GSE1: variants seen among roughly 807,000 people sequenced by gnomAD.
GSE1 encodes the protein Gse1 coiled-coil protein, also known as genetic suppressor element 1.
GSE1 carries 32 observed loss-of-function variants against 112.6 expected under a neutral mutation model. The observed-to-expected ratio is 0.28, with a 90% CI of 0.21 to 0.38. The LOEUF (loss-of-function observed/expected upper bound fraction) is 0.38, where lower values mean the gene tolerates loss of function less well. GSE1 is among the 10% of genes least tolerant of loss of function. The pLI is 1.00. For missense variants in GSE1, 2,348 were observed against 1,699.2 expected (o/e 1.38, Z -6.71); for synonymous variants, 1,115 against 735.6 (o/e 1.52, Z -8.35).
At chr16:85,404,410 C>T (rs1449131601) in intron 2 of GSE1, among the ~76,000 whole-genome samples, 1 of 6,760 alleles carries the variant, frequency 1.5e-4, no homozygotes, top group African/African-American at 3.6e-4. Flanking sequence ...CCTGGATAAT[C>T]CTCACTGGTA....
intron 2 of GSE1, among the ~76,000 whole-genome samples, chr16:85,358,736 A>G (rs1283355125): frequency 1.3e-5 from 2 of 152,058 alleles, no homozygotes; most frequent in African/African-American, 4.8e-5. Flanking sequence ...GACCCCTCTG[A>G]AGGGCTTCCA....
intron 1 of GSE1, among the ~76,000 whole-genome samples, chr16:85,252,874 C>G (rs1254962117): frequency 1.3e-5 from 2 of 152,214 alleles, no homozygotes; most frequent in Non-Finnish European, 2.9e-5. Context: ...GTTTGGCTGC[C>G]TGTAATGTGG....
At chr16:85,517,363 A>G (rs2051985352) in intron 2 of GSE1, among the ~76,000 whole-genome samples, 1 of 152,178 alleles carries the variant, frequency 6.6e-6, no homozygotes, top group African/African-American at 2.4e-5. Context: ...CATCTGTGAA[A>G]TGGGGCAATA....
chr16:85,223,183 G>A (rs1445165475), intron 1 of GSE1, among the ~76,000 whole-genome samples: 1 of 152,202 alleles, frequency 6.6e-6, no homozygotes, highest in African/African-American at 2.4e-5. Flanking sequence ...CCTGAATTCA[G>A]TCATGCCAAA....
intron 2 of GSE1, among the ~76,000 whole-genome samples, chr16:85,450,596 CCGCT>C (rs1381336289): frequency 5.9e-5 from 9 of 151,732 alleles, no homozygotes; most frequent in Non-Finnish European, 1.0e-4. Context: ...TTACAGGCGC[CCGCT>C]ACCATGCCCA....
In GSE1 at chr16:85,192,285, G is replaced by T. The variant is rs374972316; in HGVS notation, c.2283+20478G>T. Among the ~76,000 whole-genome samples the T allele has an allele frequency of 7.2e-5, 11 of 152,352 alleles. No homozygotes were observed. In the South Asian group the frequency reaches 1.0e-3, roughly 14 times the overall value. ...GGTTCAAATCGGGGCTCTACCCCTTGCTAGCTGTGCGTTCTTGGGTCTGTT... is the reference window on the plus strand; with the variant it reads ...GGTTCAAATCGGGGCTCTACCCCTTTCTAGCTGTGCGTTCTTGGGTCTGTT... On this transcript the variant is annotated intron_variant, in intron 1 of 2. Transcript: ENST00000637419.
rs573697818 is a variant in GSE1, at chr16:85,325,654, G to A, written c.2284-31809G>A. Among the ~76,000 whole-genome samples, 10 of 152,054 alleles carry A rather than the reference G, an allele frequency of 6.6e-5. No homozygotes were observed. The South Asian group carries it at 1.5e-3, about 22-fold the overall frequency. ...TTTAGTAGAGACGGCATTTCACCAC[G>A]TTGGCCATGCTAGTCTCAAACTCCT... On this transcript the variant is annotated intron_variant, in intron 1 of 2. Coordinates refer to the GSE1 transcript ENST00000637419.
chr16:85,633,029 G>A (rs927287791), intron 1 of GSE1, among the ~76,000 whole-genome samples: 1 of 152,074 alleles, frequency 6.6e-6, no homozygotes, highest in Non-Finnish European at 1.5e-5. Context: ...CGCCGCCGCC[G>A]CTGTCACCAC....
chr16:85,478,845 TTCTTTCTTTCTTTC>T (rs1306604844), intron 2 of GSE1, among the ~76,000 whole-genome samples: 1 of 16,384 alleles, frequency 6.1e-5, no homozygotes, highest in Non-Finnish European at 1.8e-4. Flanking sequence ...TTTATTTTCT[TTCTTTCTTTCTTTC>T]TTTCTTTCTT....
At chr16:85,521,241 G>T (rs2052175758) in intron 2 of GSE1, among the ~76,000 whole-genome samples, 1 of 152,160 alleles carries the variant, frequency 6.6e-6, no homozygotes, top group African/African-American at 2.4e-5. Context: ...CGTGGGAGCT[G>T]GTTTTCTGTT....
At chr16:85,634,300 G>A (rs560647255) in intron 2 of GSE1, among the ~76,000 whole-genome samples, 168 bp downstream of exon 2, 9 of 152,350 alleles carry the variant, frequency 5.9e-5, no homozygotes, top group South Asian at 2.1e-4. Context: ...GGGCCAGTCC[G>A]CCTGCCCCAG....
chr16:85,200,558 T>C (rs1403837123), intron 1 of GSE1, among the ~76,000 whole-genome samples: 1 of 152,070 alleles, frequency 6.6e-6, no homozygotes, highest in Admixed American at 6.5e-5. Context: ...TGTTTCCAGG[T>C]GTGGGCTGAA....
intron 1 of GSE1, among the ~76,000 whole-genome samples, chr16:85,236,070 T>C (rs1441266665): frequency 1.3e-5 from 2 of 151,352 alleles, no homozygotes; most frequent in African/African-American, 4.9e-5. Flanking sequence ...CCCTCCCGGA[T>C]TTCCCGGCTC....
At chr16:85,428,020 T>A (rs1335146615) in intron 2 of GSE1, among the ~76,000 whole-genome samples, 1 of 152,186 alleles carries the variant, frequency 6.6e-6, no homozygotes, top group Non-Finnish European at 1.5e-5. Context: ...TTTCAAGTGC[T>A]CCATGGCCAT....
chr16:85,208,468 C>T (rs186239038), intron 1 of GSE1, among the ~76,000 whole-genome samples: 190 of 152,316 alleles, frequency 1.2e-3, no homozygotes, highest in African/African-American at 4.1e-3. Flanking sequence ...CTTTGCCTGA[C>T]GCTGGCCTCC....
intron 8 of GSE1, chr16:85,659,784 C>G (rs1397013382): frequency 3.9e-5 from 6 of 152,254 alleles, no homozygotes; most frequent in African/African-American, 1.4e-4. Flanking sequence ...GGGGCAGCTT[C>G]TTGTTTAATG....
intron 2 of GSE1, among the ~76,000 whole-genome samples, chr16:85,495,361 C>G (rs1443095125): frequency 6.6e-6 from 1 of 152,084 alleles, no homozygotes; most frequent in Non-Finnish European, 1.5e-5. Flanking sequence ...CTAGGTTGCT[C>G]AGGACACCGA....
At chr16:85,634,615 C>T (rs1048471076) in intron 2 of GSE1, among the ~76,000 whole-genome samples, 1 of 152,118 alleles carries the variant, frequency 6.6e-6, no homozygotes, top group Non-Finnish European at 1.5e-5. Flanking sequence ...CTGAACCCAC[C>T]ACTGCTCAAC....
intron 2 of GSE1, among the ~76,000 whole-genome samples, chr16:85,464,150 C>T (rs2050058867): frequency 6.6e-6 from 1 of 152,152 alleles, no homozygotes; most frequent in Non-Finnish European, 1.5e-5. Flanking sequence ...TCTCTGTGTG[C>T]ACCTCTCTGC....
Sources: gnomAD v4.1 joint callset for allele counts (sites outside exome capture counted in the v4.1 genomes callset) on GRCh38, gnomAD v4.1.1 for gene constraint, MANE v1.5 for transcripts, NCBI Gene and HGNC (gene_info 2026-07-23, HGNC 2026-07-21) for gene names.